Variants in RAD51B observed in about 807,000 individuals in gnomAD.
The protein encoded by RAD51B is RAD51 paralog B.
In RAD51B, 38 loss-of-function variants were observed where a neutral mutation model predicts 42.2. The ratio of observed to expected loss-of-function variants is 0.90; its 90% CI spans 0.70 to 1.18. The LOEUF (loss-of-function observed/expected upper bound fraction) is 1.18. Among genes scored for constraint, RAD51B ranks in the 50% most tolerant of loss-of-function variants. The pLI is 0.00. For synonymous variants in RAD51B, 154 were observed against 145.2 expected, an observed-to-expected ratio of 1.06 and a Z score of -0.43; for missense variants, 373 against 400.7, an observed-to-expected ratio of 0.93 and a Z score of 0.59.
At chr14:67,945,065 C>T (rs1016575424) in intron 7 of RAD51B, among the ~76,000 whole-genome samples, 64 of 152,136 alleles carry the variant, frequency 4.2e-4, no homozygotes, top group African/African-American at 1.5e-3. Context: ...AAGGCAAGAC[C>T]TCCTTTGGCT....
At chr14:68,157,880 T>A (rs567863953) in intron 7 of RAD51B, among the ~76,000 whole-genome samples, 4 of 152,184 alleles carry the variant, frequency 2.6e-5, no homozygotes, top group Non-Finnish European at 1.5e-5. Flanking sequence ...TCAGAAATCA[T>A]TGGAGAAGAA....
chr14:68,286,715 A>G (rs774092725), intron 7 of RAD51B, among the ~76,000 whole-genome samples: 2 of 152,196 alleles, frequency 1.3e-5, no homozygotes, highest in Admixed American at 6.5e-5. Context: ...GAATTGACAT[A>G]TACATTGTCC....
chr14:68,535,977 A>C (rs921169584), intron 10 of RAD51B, among the ~76,000 whole-genome samples: 1 of 152,200 alleles, frequency 6.6e-6, no homozygotes, highest in Non-Finnish European at 1.5e-5. Flanking sequence ...GTTTAAAAGA[A>C]GGATATAGAG....
At chr14:68,207,560 A>G (rs1398221738) in intron 7 of RAD51B, among the ~76,000 whole-genome samples, 1 of 152,236 alleles carries the variant, frequency 6.6e-6, no homozygotes, top group East Asian at 1.9e-4. Context: ...AAAAGATACT[A>G]AAAGAGAAAA....
chr14:68,200,610 T>A (rs981755212), intron 7 of RAD51B, among the ~76,000 whole-genome samples: 1 of 152,198 alleles, frequency 6.6e-6, no homozygotes, highest in African/African-American at 2.4e-5. Context: ...TAAGTAAATT[T>A]ACGCATACAA....
At chr14:67,849,343 G>A (rs770302709) in intron 4 of RAD51B, among the ~76,000 whole-genome samples, 6 of 151,948 alleles carry the variant, frequency 3.9e-5, no homozygotes, top group Non-Finnish European at 5.9e-5. Context: ...GTGCAATGGC[G>A]CAAACTCGAC....
intron 7 of RAD51B, among the ~76,000 whole-genome samples, chr14:67,977,098 A>G (rs1016953966): frequency 1.3e-5 from 2 of 152,228 alleles, no homozygotes; most frequent in African/African-American, 2.4e-5. Flanking sequence ...TTCTCGTTGC[A>G]TTAACACTCA....
chr14:68,369,420 A>C (rs975350088), intron 8 of RAD51B, among the ~76,000 whole-genome samples: 1 of 152,218 alleles, frequency 6.6e-6, no homozygotes, highest in Non-Finnish European at 1.5e-5. Flanking sequence ...GAGAGCACTC[A>C]GGAAGTAGTA....
chr14:68,231,790 G>GA (rs138206088), intron 7 of RAD51B, among the ~76,000 whole-genome samples: 2,936 of 152,204 alleles, frequency 0.019, 102 homozygotes, highest in African/African-American at 0.067. Context: ...CTAAGGTAAT[G>GA]AAAAAATTAT....
intron 10 of RAD51B, among the ~76,000 whole-genome samples, chr14:68,567,711 C>T (rs151264445): frequency 2.7e-4 from 41 of 152,342 alleles, no homozygotes; most frequent in Non-Finnish European, 4.7e-4. Context: ...ACCTTCCTCA[C>T]GAAGTCTTTC....
At chr14:68,560,778 C>A (rs180808513) in intron 10 of RAD51B, among the ~76,000 whole-genome samples, 66 of 152,110 alleles carry the variant, frequency 4.3e-4, no homozygotes, top group African/African-American at 1.6e-3. Flanking sequence ...CCTGGCCTCC[C>A]CCCGCCCCAC....
intron 7 of RAD51B, among the ~76,000 whole-genome samples, chr14:67,887,755 A>G (rs1185907604): frequency 6.6e-6 from 1 of 152,212 alleles, no homozygotes; most frequent in East Asian, 1.9e-4. Flanking sequence ...CAGTAAGAAA[A>G]CCTTGAAAGA....
At chr14:68,501,803 A>G (rs569685186) in intron 10 of RAD51B, among the ~76,000 whole-genome samples, 1 of 152,414 alleles carries the variant, frequency 6.6e-6, no homozygotes, top group South Asian at 2.1e-4. Context: ...GCCTATGTGC[A>G]GCCCAGGTTC....
chr14:67,870,319 A>G (rs1230372680), intron 5 of RAD51B, among the ~76,000 whole-genome samples: 2 of 152,236 alleles, frequency 1.3e-5, no homozygotes, highest in East Asian at 3.8e-4. Flanking sequence ...TAAACCAACA[A>G]AGATCAAAAG....
intron 8 of RAD51B, among the ~76,000 whole-genome samples, chr14:68,346,991 G>A (rs796075052): frequency 1.7e-4 from 26 of 152,078 alleles, no homozygotes; most frequent in African/African-American, 3.1e-4. Context: ...AGACTCAATC[G>A]AAGTGCCACC....
chr14:68,361,725 G>C (rs898877652), intron 8 of RAD51B, among the ~76,000 whole-genome samples: 2 of 152,128 alleles, frequency 1.3e-5, no homozygotes, highest in African/African-American at 4.8e-5. Flanking sequence ...ACCCAGGCTG[G>C]AGTATGGCGG....
intron 7 of RAD51B, among the ~76,000 whole-genome samples, chr14:68,032,063 C>T (rs2140372400): frequency 6.6e-6 from 1 of 152,096 alleles, no homozygotes; most frequent in East Asian, 1.9e-4. Flanking sequence ...AAATTTGTGT[C>T]TGTTACTATG....
At chr14:67,899,458 A>G (rs1225432778) in intron 7 of RAD51B, among the ~76,000 whole-genome samples, 2 of 152,210 alleles carry the variant, frequency 1.3e-5, no homozygotes, top group Non-Finnish European at 2.9e-5. Context: ...TGATGGTTAT[A>G]GGAGAGAAAA....
At chr14:68,334,616 C>G (rs1245117913) in intron 8 of RAD51B, among the ~76,000 whole-genome samples, 1 of 152,058 alleles carries the variant, frequency 6.6e-6, no homozygotes, top group South Asian at 2.1e-4. Context: ...CAGCTGTGTT[C>G]CATTATGCAT....
Sources: allele counts gnomAD v4.1 joint callset (sites outside exome capture counted in the v4.1 genomes callset), GRCh38; gene constraint gnomAD v4.1.1; transcripts MANE v1.5; gene names NCBI Gene and HGNC (gene_info 2026-07-23, HGNC 2026-07-21).